Variants in ANKS1A observed in about 807,000 individuals in gnomAD.
ANKS1A encodes ankyrin repeat and sterile alpha motif domain containing 1A.
A neutral mutation model predicts 120.3 loss-of-function variants in ANKS1A; 55 were observed. The ratio of observed to expected loss-of-function variants is 0.46; its 90% CI spans 0.37 to 0.57. The LOEUF (loss-of-function observed/expected upper bound fraction) is 0.57, where lower values mean the gene tolerates loss of function less well. ANKS1A is among the 20% of genes least tolerant of loss of function. The pLI, the probability that ANKS1A is intolerant of heterozygous loss-of-function variation, is 0.00. For synonymous variants in ANKS1A, 590 were observed against 604.7 expected (o/e 0.98, Z 0.36); for missense variants, 1,123 against 1,480.3 (o/e 0.76, Z 3.96).
Position 35,084,353 on chromosome 6 carries a change from C to G in ANKS1A, c.3132+95C>G, listed in dbSNP as rs536474765. Reference sequence around the variant, plus strand: ...GGGCACAGATGCGGCGCTGTCCTGGCCCCTGGCCAGTGCCTGGCAAATGTT... The same window carrying G: ...GGGCACAGATGCGGCGCTGTCCTGGGCCCTGGCCAGTGCCTGGCAAATGTT... On this transcript the variant is annotated intron_variant, in intron 21 of 23. Coordinates refer to ENST00000360359, the MANE Select transcript of ANKS1A (RefSeq NM_015245.3). The surrounding 1 kb of genome is among the most constrained non-coding windows in gnomAD (Gnocchi z 4.8). 19 of 1,499,332 alleles carry G rather than the reference C, an allele frequency of 1.3e-5. No homozygotes were observed. The East Asian group carries it at 4.4e-4, about 35-fold the overall frequency. 92.9% of individuals were successfully genotyped at this position (1,499,332 alleles called of 1,614,324 possible).
intron 9 of ANKS1A, among the ~76,000 whole-genome samples, chr6:34,990,400 G>C (rs1473878421): frequency 1.3e-5 from 2 of 151,602 alleles, no homozygotes; most frequent in African/African-American, 4.9e-5. Context: ...TACCACCTCT[G>C]GATAATAACA....
At chr6:34,965,076 T>C (rs1353271814) in intron 1 of ANKS1A, among the ~76,000 whole-genome samples, 3 of 152,232 alleles carry the variant, frequency 2.0e-5, no homozygotes, top group African/African-American at 4.8e-5. Flanking sequence ...TATAGCTCTC[T>C]ATCTGTGTAG....
intron 11 of ANKS1A, among the ~76,000 whole-genome samples, chr6:35,036,469 G>C (rs1374235713): frequency 1.3e-5 from 2 of 152,248 alleles, no homozygotes; most frequent in African/African-American, 4.8e-5. Context: ...AGTCTCACGA[G>C]ACCTTTGACA....
At chr6:35,080,356 G>A (rs1777607251) in intron 16 of ANKS1A, among the ~76,000 whole-genome samples, 1 of 152,208 alleles carries the variant, frequency 6.6e-6, no homozygotes, top group Admixed American at 6.5e-5. Context: ...GCTCCTGCCG[G>A]TAATTCCTGA....
intron 1 of ANKS1A, among the ~76,000 whole-genome samples, chr6:34,943,817 G>A (rs557325120): frequency 3.3e-5 from 5 of 152,186 alleles, no homozygotes; most frequent in East Asian, 1.9e-4. Context: ...CATCTTGGTC[G>A]CTTCCAAGTT....
intron 11 of ANKS1A, among the ~76,000 whole-genome samples, chr6:35,035,231 C>T (rs1172276387): frequency 6.6e-6 from 1 of 152,178 alleles, no homozygotes; most frequent in Non-Finnish European, 1.5e-5. Context: ...GACACAATTC[C>T]TTCTCTTAGG....
At chr6:34,919,662 G>A (rs1421696142) in intron 1 of ANKS1A, among the ~76,000 whole-genome samples, 1 of 152,166 alleles carries the variant, frequency 6.6e-6, no homozygotes, top group Non-Finnish European at 1.5e-5. Context: ...CTTGCTAGCA[G>A]TATGACCTTG....
chr6:34,964,493 G>A lies in ANKS1A; in HGVS notation c.198-2746G>A, dbSNP rs148503208. Among the ~76,000 whole-genome samples the A allele has an allele frequency of 1.8e-4, 28 of 152,164 alleles. No individual in the cohort carries two copies. In the South Asian group the frequency reaches 2.9e-3, roughly 16 times the overall value. ...GTATTATACAATGCCTTCTTTCGTC[G>A]CTTTCTTATAACATGGTATGTCTTG... On this transcript the variant is annotated intron_variant, in intron 1 of 23. Transcript: ENST00000360359.
At chr6:34,959,316 G>A (rs1264962620) in intron 1 of ANKS1A, among the ~76,000 whole-genome samples, 1 of 152,216 alleles carries the variant, frequency 6.6e-6, no homozygotes, top group African/African-American at 2.4e-5. Flanking sequence ...TAGAGACCAT[G>A]TCATACTGGG....
At position 35,017,803 on chromosome 6, in the gene ANKS1A, C is replaced by G. The variant is rs774420431; in HGVS notation, c.1754C>G (p.Thr585Ser). 3 of 1,614,206 alleles carry G rather than the reference C, an allele frequency of 1.9e-6. No homozygotes were observed. Among genetic ancestry groups the G allele is most frequent in the South Asian group, 1.1e-5 (1 of 91,086 alleles). The change falls in exon 11 of 24, where the codon ACT becomes AGT. Residue 585 changes from threonine (T) to serine (S), a missense_variant. Thr to Ser is a moderately conservative substitution (Grantham distance 58). Transcript: ENST00000360359. ...TNSRSHPETL[T>S]HTASPHPGGA... ...AGCCGCTCGCACCCTGAAACTTTGA[C>G]TCACACAGCATCTCCGCACCCTGGT...
chr6:35,038,505 A>G (rs1775294345), intron 11 of ANKS1A, among the ~76,000 whole-genome samples: 2 of 152,014 alleles, frequency 1.3e-5, no homozygotes, highest in South Asian at 2.1e-4. Context: ...TTTTAGAGAC[A>G]GGGCCCCACT....
downstream of ANKS1A, among the ~76,000 whole-genome samples, chr6:35,095,649 T>TAA (rs60295651): frequency 0.021 from 2,719 of 128,558 alleles, 88 homozygotes; most frequent in African/African-American, 0.062. Context: ...ACTTTTGTGT[T>TAA]AAAAAAAAAA....
Position 35,090,993 on chromosome 6 carries a change from G to T in ANKS1A, c.*2384G>T. The T allele has an allele frequency of 1.0e-6, 1 of 985,928 alleles. No individual in the cohort carries two copies. Among genetic ancestry groups the T allele is most frequent in the African/African-American group, 1.7e-5 (1 of 57,382 alleles). 61.1% of individuals were successfully genotyped at this position (985,928 alleles called of 1,614,324 possible). A position where few individuals can be genotyped will look rare whatever the true frequency, so the allele number is the denominator to read the frequency against. On this transcript the variant is annotated 3_prime_UTR_variant, in exon 24 of 24. Transcript: ENST00000360359. ...GGGAGTTCCCGAGATGCTCGGGTTTGAGCAGGGAGCAGGCAGAGCTGCAGT... is the reference window on the plus strand; with the variant it reads ...GGGAGTTCCCGAGATGCTCGGGTTTTAGCAGGGAGCAGGCAGAGCTGCAGT...
chr6:35,096,835 T>A, the ANKS1A span, among the ~76,000 whole-genome samples: 4 of 152,212 alleles, frequency 2.6e-5, no homozygotes, highest in South Asian at 4.2e-4. Context: ...GCATATTTTT[T>A]AACTGATGGG....
intron 13 of ANKS1A, among the ~76,000 whole-genome samples, chr6:35,075,420 T>C (rs1025733183): frequency 6.7e-6 from 1 of 149,666 alleles, no homozygotes; most frequent in East Asian, 2.0e-4. Context: ...ATTTTCTTTT[T>C]TTTTTTTTTT....
At chr6:34,935,611 G>A (rs1052211848) in intron 1 of ANKS1A, among the ~76,000 whole-genome samples, 1 of 146,236 alleles carries the variant, frequency 6.8e-6, no homozygotes, top group Non-Finnish European at 1.5e-5. Flanking sequence ...AAATGCTGAA[G>A]GCATAACATA....
intron 13 of ANKS1A, among the ~76,000 whole-genome samples, chr6:35,064,634 C>A (rs1035023901): frequency 3.9e-5 from 6 of 152,236 alleles, no homozygotes; most frequent in Non-Finnish European, 7.3e-5. Context: ...CCCTCTAAAC[C>A]AGCTTCACGT....
In ANKS1A at chr6:34,937,310, A is replaced by T. The variant is rs188214332; in HGVS notation, c.198-29929A>T. Among the ~76,000 whole-genome samples the T allele has an allele frequency of 7.7e-3, 1,163 of 150,396 alleles. 22 individuals are homozygous for T. Among genetic ancestry groups the T allele is most frequent in the African/African-American group, 0.026 (1,077 of 40,990 alleles). On this transcript the variant is annotated intron_variant, in intron 1 of 23. Transcript: ENST00000360359. ...ACATTGCGAGACCTCATCTTAAAAA[A>T]ATATATATATATATATTTTTTTAAA...
intron 11 of ANKS1A, among the ~76,000 whole-genome samples, chr6:35,032,516 G>A (rs1774958091): frequency 6.6e-6 from 1 of 152,090 alleles, no homozygotes; most frequent in Non-Finnish European, 1.5e-5. Flanking sequence ...GCCCCAAACG[G>A]GTGCATAGAA....
Sources: gnomAD v4.1 joint callset for allele counts (sites outside exome capture counted in the v4.1 genomes callset) on GRCh38, gnomAD v4.1.1 for gene constraint, Gnocchi (gnomAD v3.1) non-coding constraint, MANE v1.5 for transcripts, NCBI Gene and HGNC (gene_info 2026-07-23, HGNC 2026-07-21) for gene names.